CHD6: variants seen among roughly 807,000 people sequenced by gnomAD.
CHD6 encodes ATP-dependent chromatin remodeler CHD6.
In CHD6, 50 loss-of-function variants were observed where a neutral mutation model predicts 276.9. The observed-to-expected ratio is 0.18, with a 90% CI of 0.14 to 0.23. CHD6 has a LOEUF of 0.23. Among genes scored for constraint, CHD6 ranks in the 10% least tolerant of loss-of-function variants. CHD6 has a pLI of 1.00. For missense variants in CHD6, 2,564 were observed against 3,365.8 expected (o/e 0.76, Z 5.89); for synonymous variants, 1,173 against 1,229.3 (o/e 0.95, Z 0.96).
rs1569031580 is a variant in CHD6 at position 41,402,949 on chromosome 20, A to G, written c.*1644T>C. ...ATAGAATTTCTGGTTTATATCTCTGATTCATAAAACTGGGACTCCACTTTT... is the reference window on the plus strand; with the variant it reads ...ATAGAATTTCTGGTTTATATCTCTGGTTCATAAAACTGGGACTCCACTTTT... On this transcript the variant is annotated 3_prime_UTR_variant, in exon 37 of 37. Coordinates refer to ENST00000373233, the MANE Select transcript of CHD6 (RefSeq NM_032221.5). 1 of 207,268 alleles carries G rather than the reference A, an allele frequency of 4.8e-6. No homozygotes were observed. The highest frequency in any genetic ancestry group is 9.9e-6 in the Non-Finnish European group (1 of 101,386). 12.8% of individuals were successfully genotyped at this position (207,268 alleles called of 1,614,324 possible).
intron 36 of CHD6, 27 bp downstream of exon 36, chr20:41,412,117 C>T (rs777264618): frequency 2.5e-6 from 4 of 1,613,056 alleles, no homozygotes; most frequent in Admixed American, 3.3e-5. Flanking sequence ...CCTCCTGGCC[C>T]CACACTCACG....
intron 1 of CHD6, among the ~76,000 whole-genome samples, chr20:41,574,328 C>T (rs774391541): frequency 6.6e-6 from 1 of 152,078 alleles, no homozygotes; most frequent in Non-Finnish European, 1.5e-5. Context: ...CAGCATGGGT[C>T]CTACCTATAC....
intron 2 of CHD6, among the ~76,000 whole-genome samples, chr20:41,544,585 T>A (rs2045004509): frequency 6.6e-6 from 1 of 151,750 alleles, no homozygotes; most frequent in African/African-American, 2.4e-5. Flanking sequence ...ATTAGTAACA[T>A]GAATTAAATG....
chr20:41,571,993 T>TC (rs766741881), intron 1 of CHD6, among the ~76,000 whole-genome samples: 2 of 152,346 alleles, frequency 1.3e-5, no homozygotes, highest in Non-Finnish European at 2.9e-5. Context: ...GTTTTACCTG[T>TC]CCTGTGCCTT....
intron 1 of CHD6, among the ~76,000 whole-genome samples, chr20:41,593,208 G>T (rs2045682086): frequency 6.6e-6 from 1 of 150,664 alleles, no homozygotes; most frequent in Non-Finnish European, 1.5e-5. Context: ...AAAAAGGGGG[G>T]GGGGGGTTAA....
chr20:41,415,784 T>C, intron 33 of CHD6, 146 bp from the exon 34 acceptor site: 1 of 628,284 alleles, frequency 1.6e-6, no homozygotes, highest in Non-Finnish European at 2.7e-6. Flanking sequence ...TCCTCAAACC[T>C]GAACAGCTTG....
In CHD6 at chr20:41,442,369, C is replaced by T. The variant is rs763765877; in HGVS notation, c.3878-2240G>A. Among the ~76,000 whole-genome samples the T allele has an allele frequency of 1.6e-4, 24 of 152,266 alleles. 1 individual carries two copies. The Middle Eastern group carries it at 0.01, about 65-fold the overall frequency. On this transcript the variant is annotated intron_variant, in intron 25 of 36. Coordinates refer to ENST00000373233, the MANE Select transcript of CHD6 (RefSeq NM_032221.5). The stretch of plus-strand genomic sequence containing the variant: ...TGGGAGGCTGAGGTGGACAGATCAC[C>T]TGAACCTGGGAGTTCAAGGCTACAG...
At chr20:41,408,601 G>T (rs1363709883) in intron 36 of CHD6, among the ~76,000 whole-genome samples, 2 of 152,190 alleles carry the variant, frequency 1.3e-5, no homozygotes, top group African/African-American at 2.4e-5. Flanking sequence ...AGCCCAGGGT[G>T]CTTCAGCCAG....
At chr20:41,412,329 G>A (rs1183229769) in intron 35 of CHD6, 66 bp from the exon 36 acceptor site, 2 of 1,561,788 alleles carry the variant, frequency 1.3e-6, no homozygotes, top group African/African-American at 1.4e-5. Context: ...TGAGGCTGAT[G>A]CTTTTCAACT....
intron 27 of CHD6, among the ~76,000 whole-genome samples, chr20:41,433,583 T>G: frequency 6.6e-6 from 1 of 152,050 alleles, no homozygotes; most frequent in Non-Finnish European, 1.5e-5. Flanking sequence ...CTGACAGTTC[T>G]CTAGACTACC....
At chr20:41,599,271 A>G (rs1022727172) in intron 1 of CHD6, among the ~76,000 whole-genome samples, 1 of 152,178 alleles carries the variant, frequency 6.6e-6, no homozygotes, top group East Asian at 1.9e-4. Flanking sequence ...TTGGGGTCCA[A>G]TGCTGTACTT....
intron 1 of CHD6, among the ~76,000 whole-genome samples, chr20:41,551,663 T>C (rs1185955007): frequency 6.6e-6 from 1 of 152,084 alleles, no homozygotes; most frequent in African/African-American, 2.4e-5. Flanking sequence ...ACAAAAACAA[T>C]AACATGCCTT....
At position 41,484,376 on chromosome 20, in the gene CHD6, A is replaced by T; in HGVS notation, c.2233T>A (p.Cys745Ser). ...CCATTGATCAGGTAGGGATGGTTAC[A>T]GCACTTCCTCAGCTCCATCATGGTG... ...INTMMELRKC[C>S]NHPYLINGAE... The change falls in exon 15 of 37, where the codon TGT (cysteine) becomes AGT (serine). Residue 745 changes from cysteine (C) to serine (S), a missense_variant. Around this residue, in one of 7 missense-constraint regions of CHD6, gnomAD observed 457 missense variants for 889.0 expected, o/e 0.51. Coordinates refer to ENST00000373233, the MANE Select transcript of CHD6 (RefSeq NM_032221.5). The T allele has an allele frequency of 6.2e-7, 1 of 1,613,854 alleles. No individual in the cohort carries two copies. The highest frequency in any genetic ancestry group is 8.5e-7 in the Non-Finnish European group (1 of 1,179,812).
At chr20:41,576,572 G>T (rs2045476676) in intron 1 of CHD6, among the ~76,000 whole-genome samples, 1 of 152,084 alleles carries the variant, frequency 6.6e-6, no homozygotes, top group South Asian at 2.1e-4. Flanking sequence ...GTAGTCCCAG[G>T]CTGAGGCACA....
At chr20:41,409,726 A>T (rs1384216480) in intron 36 of CHD6, among the ~76,000 whole-genome samples, 1 of 152,234 alleles carries the variant, frequency 6.6e-6, no homozygotes, top group Non-Finnish European at 1.5e-5. Flanking sequence ...AGACTAGATA[A>T]CAAGTATTAT....
At chr20:41,468,110 T>A (rs1397845301) in intron 17 of CHD6, among the ~76,000 whole-genome samples, 1 of 145,752 alleles carries the variant, frequency 6.9e-6, no homozygotes, top group Non-Finnish European at 1.5e-5. Flanking sequence ...CTATCATTCT[T>A]TTTTTTTTTT....
At chr20:41,522,157 T>C (rs2044415362) in intron 3 of CHD6, among the ~76,000 whole-genome samples, 1 of 151,880 alleles carries the variant, frequency 6.6e-6, no homozygotes, top group Non-Finnish European at 1.5e-5. Flanking sequence ...ACTGGCAGCA[T>C]AGTGAAACCC....
intron 8 of CHD6, among the ~76,000 whole-genome samples, chr20:41,494,606 A>G (rs1340867494): frequency 6.6e-6 from 1 of 152,208 alleles, no homozygotes; most frequent in Non-Finnish European, 1.5e-5. Context: ...ACTCAGAGAT[A>G]TTAAGTAATG....
intron 27 of CHD6, among the ~76,000 whole-genome samples, chr20:41,436,858 G>C (rs1176189718): frequency 6.6e-6 from 1 of 152,164 alleles, no homozygotes; most frequent in Non-Finnish European, 1.5e-5. Flanking sequence ...AATTTAAAGA[G>C]GGGTGAAGGC....
Sources: allele counts gnomAD v4.1 joint callset (sites outside exome capture counted in the v4.1 genomes callset), GRCh38; gene constraint gnomAD v4.1.1; regional missense constraint gnomAD v4.1.1; transcripts MANE v1.5; gene names NCBI Gene and HGNC (gene_info 2026-07-23, HGNC 2026-07-21).